Variants in NKTR observed in about 807,000 individuals in gnomAD.
NKTR encodes NK-tumor recognition protein.
NKTR carries 67 observed loss-of-function variants against 156.3 expected under a neutral mutation model. That is an observed-to-expected ratio of 0.43 (90% CI 0.35 to 0.53). The LOEUF (loss-of-function observed/expected upper bound fraction) is 0.53. Ranked by LOEUF, NKTR falls within the 20% of genes least tolerant of loss-of-function variation. NKTR has a pLI of 0.01. For synonymous variants in NKTR, 640 were observed against 596.6 expected, an observed-to-expected ratio of 1.07 and a Z score of -1.06; for missense variants, 1,604 against 1,730.9, an observed-to-expected ratio of 0.93 and a Z score of 1.30.
intron 13 of NKTR, among the ~76,000 whole-genome samples, chr3:42,641,124 G>A (rs1430701207): frequency 1.3e-5 from 2 of 152,188 alleles, no homozygotes; most frequent in African/African-American, 2.4e-5. Flanking sequence ...AAGCCTGGGT[G>A]CTGCCCTGCC....
intron 2 of NKTR, among the ~76,000 whole-genome samples, chr3:42,604,982 G>A (rs1706089950): frequency 6.6e-6 from 1 of 152,008 alleles, no homozygotes; most frequent in African/African-American, 2.4e-5. Context: ...GAGCCATCAT[G>A]CCCGGCCGTA....
chr3:42,635,442 A>G lies in NKTR; in HGVS notation c.1163+76A>G, dbSNP rs181956719. On this transcript the variant is annotated intron_variant, in intron 12 of 16. Coordinates refer to ENST00000232978, the MANE Select transcript of NKTR (RefSeq NM_005385.4). ...TTAAAGGGATTGGATACAATTCTGG[A>G]CTTTTCATTAAAGATTCAGTGAAAG... is the stretch of plus-strand genomic sequence containing the variant. The G allele has an allele frequency of 1.3e-3, 1,501 of 1,149,002 alleles. 19 individuals carry two copies. The African/African-American group carries it at 0.019, about 15-fold the overall frequency. 71.2% of individuals were successfully genotyped at this position (1,149,002 alleles called of 1,614,324 possible). A position where few individuals can be genotyped will look rare whatever the true frequency, so the allele number is the denominator to read the frequency against.
chr3:42,626,361 T>C (rs1708387048), intron 6 of NKTR, among the ~76,000 whole-genome samples: 2 of 152,172 alleles, frequency 1.3e-5, no homozygotes, highest in Non-Finnish European at 2.9e-5. Flanking sequence ...TGAGTAGTAA[T>C]AGATTTATTT....
intron 2 of NKTR, among the ~76,000 whole-genome samples, chr3:42,610,218 G>A (rs1207157200): frequency 6.6e-6 from 1 of 152,060 alleles, no homozygotes; most frequent in East Asian, 1.9e-4. Context: ...TGGTCAGGCT[G>A]GTCTCGAACT....
Position 42,637,154 on chromosome 3 carries a change from A to G in NKTR, c.1450A>G (p.Ser484Gly). 1 of 1,612,220 alleles carries G rather than the reference A, an allele frequency of 6.2e-7. No homozygotes were observed. Among genetic ancestry groups the G allele is most frequent in the Non-Finnish European group, 8.5e-7 (1 of 1,179,510 alleles). The change falls in exon 13 of 17, where the codon AGT (serine) becomes GGT (glycine). Residue 484 changes from serine (S) to glycine (G), a missense_variant. This residue lies in a region of NKTR where 1,255 missense variants were observed against 1,243.7 expected (regional missense o/e 1.01). Coordinates refer to ENST00000232978, the MANE Select transcript of NKTR (RefSeq NM_005385.4). ...RMKSSCDRER[S>G]SRSSSLSSHH... ...GAAATCCTCTTGTGATAGAGAAAGG[A>G]GTTCTCGTTCTTCCTCATTGTCATC...
In NKTR at chr3:42,639,177, T is replaced by C. The variant is rs777595325; in HGVS notation, c.3473T>C (p.Ile1158Thr). The change falls in exon 13 of 17, where the codon ATA becomes ACA. Residue 1158 changes from isoleucine (I) to threonine (T), a missense_variant. Ile to Thr is a moderately conservative substitution (Grantham distance 89, BLOSUM62 -1). Coordinates refer to ENST00000232978, the MANE Select transcript of NKTR (RefSeq NM_005385.4). ...AATGCACGGCTTGATACCCCAGATA[T>C]AAACATTGTTTTGAAGCAGGATATG... Reference protein sequence around the residue: ...LGNARLDTPDINIVLKQDMAT... With the variant: ...LGNARLDTPDTNIVLKQDMAT... The C allele has an allele frequency of 3.1e-6, 5 of 1,613,986 alleles. No homozygotes were observed. In the African/African-American group the frequency reaches 4.0e-5, roughly 13 times the overall value.
Position 42,631,213 on chromosome 3 carries a change from A to C in NKTR, c.447A>C (p.Val149=). ...VFGLVISGFE[V]IEQIENLKTD... ...GACTGGTTATTTCTGGTTTTGAAGT[A>C]ATCGAACAAATTGAAAATCTGAAGA... The change falls in exon 8 of 17, where the codon GTA becomes GTC. Residue 149 remains valine, a synonymous_variant. Coordinates refer to ENST00000232978, the MANE Select transcript of NKTR (RefSeq NM_005385.4). The C allele has an allele frequency of 6.2e-7, 1 of 1,614,102 alleles. No individual in the cohort carries two copies.
intron 2 of NKTR, among the ~76,000 whole-genome samples, chr3:42,609,959 C>T (rs1324116313): frequency 6.6e-6 from 1 of 152,036 alleles, no homozygotes; most frequent in Non-Finnish European, 1.5e-5. Flanking sequence ...CTCTTTTTTA[C>T]TTGTAAATCT....
intron 9 of NKTR, chr3:42,633,057 A>G (rs1709061264): frequency 9.3e-6 from 11 of 1,179,896 alleles, no homozygotes; most frequent in African/African-American, 3.2e-5. Flanking sequence ...TCTTTTTTTA[A>G]GAGATAGGGT....
Position 42,619,143 on chromosome 3 carries a change from G to T in NKTR, c.241+16G>T. The stretch of plus-strand genomic sequence containing the variant: ...TTCAGTGAAGGTAGAGCTAAAAGTT[G>T]TGTTCCTAATAACTCCATCTATCAG... On this transcript the variant is annotated intron_variant, in intron 4 of 16. Transcript: ENST00000232978. 6.3e-7 allele frequency: 1 copy of T among 1,594,416 alleles called. No homozygotes were observed. Among genetic ancestry groups the T allele is most frequent in the South Asian group, 1.2e-5 (1 of 86,688 alleles).
intron 6 of NKTR, among the ~76,000 whole-genome samples, chr3:42,625,331 T>C (rs1708274290): frequency 6.6e-6 from 1 of 151,892 alleles, no homozygotes; most frequent in African/African-American, 2.4e-5. Context: ...TTAATAATTA[T>C]AACAATGTAA....
chr3:42,630,107 G>C, intron 6 of NKTR: 2 of 988,720 alleles, frequency 2.0e-6, no homozygotes, highest in Non-Finnish European at 1.2e-6. Context: ...TTAAGTGTTT[G>C]GGGCAAATGT....
chr3:42,635,186 C>A (rs1365413475), intron 11 of NKTR, 35 bp from the exon 12 acceptor site: 1 of 1,585,902 alleles, frequency 6.3e-7, no homozygotes, highest in Non-Finnish European at 8.6e-7. Flanking sequence ...CGTGGAGAGG[C>A]ATTTTTTAAA....
intron 16 of NKTR, among the ~76,000 whole-genome samples, chr3:42,644,688 C>T (rs1710205914): frequency 6.6e-6 from 1 of 152,188 alleles, no homozygotes; most frequent in African/African-American, 2.4e-5. Context: ...CTCTTTCTGG[C>T]TTCCCTCCTT....
At chr3:42,644,855 C>T (rs1418993230) in intron 16 of NKTR, among the ~76,000 whole-genome samples, 2 of 152,182 alleles carry the variant, frequency 1.3e-5, no homozygotes, top group East Asian at 3.9e-4. Flanking sequence ...TACAGTCCCT[C>T]CCATGTGCCT....
chr3:42,608,953 C>G (rs1706506116), intron 2 of NKTR, among the ~76,000 whole-genome samples: 1 of 152,048 alleles, frequency 6.6e-6, no homozygotes, highest in Admixed American at 6.6e-5. Context: ...TGGTGAAACC[C>G]TGACCACTAA....
At chr3:42,623,884 G>T (rs1261592098) in intron 6 of NKTR, 4 of 152,092 alleles carry the variant, frequency 2.6e-5, no homozygotes, top group Non-Finnish European at 5.9e-5. Flanking sequence ...CTGCTTTATA[G>T]GCTCAATAAG....
intron 6 of NKTR, 61 bp downstream of exon 6, chr3:42,621,577 A>G: frequency 1.3e-6 from 2 of 1,553,616 alleles, no homozygotes; most frequent in South Asian, 1.2e-5. Context: ...TTCATAAGAA[A>G]GATGGTATAG....
At chr3:42,643,763 T>C (rs1710115691) in intron 15 of NKTR, 139 bp from the exon 16 acceptor site, 1 of 689,450 alleles carries the variant, frequency 1.5e-6, no homozygotes, top group South Asian at 1.6e-5. Context: ...TTTCCAGTAC[T>C]TGTTTTGGAA....
Sources: allele counts gnomAD v4.1 joint callset (sites outside exome capture counted in the v4.1 genomes callset), GRCh38; gene constraint gnomAD v4.1.1; regional missense constraint gnomAD v4.1.1; transcripts MANE v1.5; gene names NCBI Gene and HGNC (gene_info 2026-07-23, HGNC 2026-07-21).